The following FAM135B variants were observed in gnomAD, a reference collection of about 807,000 sequenced individuals.
The protein encoded by FAM135B is protein FAM135B.
A neutral mutation model predicts 127.7 loss-of-function variants in FAM135B; 43 were observed. That is an observed-to-expected ratio of 0.34 (90% confidence interval 0.26 to 0.43). FAM135B has a LOEUF of 0.43. Among genes scored for constraint, FAM135B ranks in the 20% least tolerant of loss-of-function variants. The probability of loss-of-function intolerance (pLI) is 1.00; values close to 1 mark genes in which losing one functional copy is unlikely to be tolerated. For synonymous variants in FAM135B, 670 were observed against 665.1 expected (o/e 1.01, Z -0.11); for missense variants, 1,558 against 1,725.6 (o/e 0.90, Z 1.72).
intron 1 of FAM135B, chr8:138,439,392 C>T (rs940691807): frequency 1.3e-5 from 2 of 152,120 alleles, no homozygotes; most frequent in African/African-American, 4.8e-5. Flanking sequence ...ATCCCAAATC[C>T]CATTCTCATT....
chr8:138,146,286 T>C (rs1817647165), intron 14 of FAM135B, among the ~76,000 whole-genome samples: 1 of 152,178 alleles, frequency 6.6e-6, no homozygotes, highest in African/African-American at 2.4e-5. Flanking sequence ...GATAGAGTTA[T>C]CCCTGATCTG....
chr8:138,231,869 G>T (rs867335170), intron 7 of FAM135B, among the ~76,000 whole-genome samples: 3 of 152,190 alleles, frequency 2.0e-5, no homozygotes, highest in African/African-American at 7.2e-5. Context: ...AGATCCATGG[G>T]TTTGTAATGT....
At chr8:138,474,096 T>C (rs1005213616) in intron 1 of FAM135B, among the ~76,000 whole-genome samples, 5 of 152,200 alleles carry the variant, frequency 3.3e-5, no homozygotes, top group Non-Finnish European at 5.9e-5. Flanking sequence ...AAAACCATTG[T>C]AGAGTCAGCT....
intron 1 of FAM135B, among the ~76,000 whole-genome samples, chr8:138,373,506 A>G (rs749391464): frequency 6.6e-6 from 1 of 151,564 alleles, no homozygotes; most frequent in Non-Finnish European, 1.5e-5. Context: ...TGTAGAGCAT[A>G]TGTGTTTGAA....
chr8:138,228,201 C>CCATT (rs1819622290), intron 7 of FAM135B, among the ~76,000 whole-genome samples: 2 of 152,236 alleles, frequency 1.3e-5, no homozygotes, highest in South Asian at 4.1e-4. Flanking sequence ...CCCTTTTGGA[C>CCATT]CATTCCAAGA....
rs753590926 is a variant in FAM135B at position 138,242,980 on chromosome 8, C to G, written c.631G>C (p.Val211Leu). ...GGCTTGCAGTACCCAGCTCCAAAGA[C>G]CAAGTTTTCCAGAGAAATGATAGAC... Reference protein sequence around the residue: ...EQSIISLENLVFGAGYCKPTS... With the variant: ...EQSIISLENLLFGAGYCKPTS... Residue 211 changes from valine (V) to leucine (L), a missense_variant, in exon 7 of 20, where the codon GTC becomes CTC. Around this residue, in one of 5 missense-constraint regions of FAM135B, gnomAD observed 127 missense variants for 109.7 expected, o/e 1.16. Transcript: ENST00000395297. This position sits in a 1 kb window ranked among gnomAD's most constrained non-coding sequence, Gnocchi z 9.6. 6 of 1,613,798 alleles carry G rather than the reference C, an allele frequency of 3.7e-6. No homozygotes were observed. The African/African-American group carries it at 5.3e-5, about 14-fold the overall frequency.
chr8:138,494,183 T>C (rs1181747454), intron 1 of FAM135B, among the ~76,000 whole-genome samples: 1 of 152,214 alleles, frequency 6.6e-6, no homozygotes, highest in African/African-American at 2.4e-5. Context: ...CAACAAGCCA[T>C]GGAGCATCCT....
intron 11 of FAM135B, among the ~76,000 whole-genome samples, chr8:138,174,819 G>A (rs1586684828): frequency 6.6e-6 from 1 of 151,958 alleles, no homozygotes; most frequent in Admixed American, 6.6e-5. Flanking sequence ...TCCTCTCACA[G>A]CGATGCATGT....
intron 4 of FAM135B, among the ~76,000 whole-genome samples, chr8:138,264,379 C>T (rs1477182967): frequency 6.6e-6 from 1 of 152,212 alleles, no homozygotes; most frequent in Non-Finnish European, 1.5e-5. Flanking sequence ...CAGTCTTGCA[C>T]AGCAGGACCA....
At chr8:138,170,748 G>C (rs555689012) in intron 11 of FAM135B, among the ~76,000 whole-genome samples, 81 of 152,236 alleles carry the variant, frequency 5.3e-4, no homozygotes, top group African/African-American at 1.9e-3. Context: ...AGAATGACTG[G>C]GCTGCCTCAG....
At chr8:138,486,130 C>T (rs1160421536) in intron 1 of FAM135B, among the ~76,000 whole-genome samples, 1 of 151,914 alleles carries the variant, frequency 6.6e-6, no homozygotes, top group Non-Finnish European at 1.5e-5. Flanking sequence ...AGCTGGCATC[C>T]CGTTGCACTT....
At chr8:138,419,486 C>A (rs1834361241) in intron 1 of FAM135B, among the ~76,000 whole-genome samples, 1 of 152,256 alleles carries the variant, frequency 6.6e-6, no homozygotes, top group Non-Finnish European at 1.5e-5. Context: ...AGAACCCAAA[C>A]TCGACACTTT....
intron 19 of FAM135B, among the ~76,000 whole-genome samples, chr8:138,133,969 T>C (rs1816417175): frequency 6.6e-6 from 1 of 152,202 alleles, no homozygotes. Context: ...GTTGTAGCCA[T>C]GTCAATTCAG....
At chr8:138,487,378 T>A (rs1006487232) in intron 1 of FAM135B, among the ~76,000 whole-genome samples, 2 of 151,912 alleles carry the variant, frequency 1.3e-5, no homozygotes, top group African/African-American at 4.8e-5. Flanking sequence ...GAAGAGTGGC[T>A]ACAGATTTTA....
chr8:138,155,804 T>G (rs1481496740), intron 12 of FAM135B, among the ~76,000 whole-genome samples: 1 of 152,124 alleles, frequency 6.6e-6, no homozygotes, highest in Non-Finnish European at 1.5e-5. Context: ...AGCAAGTCCT[T>G]AGAGACCTAC....
At chr8:138,169,507 G>A (rs532728677) in intron 11 of FAM135B, among the ~76,000 whole-genome samples, 33 of 148,456 alleles carry the variant, frequency 2.2e-4, no homozygotes, top group South Asian at 1.9e-3. Flanking sequence ...TGTTCTTCTC[G>A]GAATATTTAA....
In FAM135B at chr8:138,388,799, T is replaced by C. The variant is rs1479550358; in HGVS notation, c.-19-20797A>G. Among the ~76,000 whole-genome samples the C allele has an allele frequency of 2.0e-5, 3 of 152,176 alleles. No individual in the cohort carries two copies. In the South Asian group the frequency reaches 6.2e-4, roughly 32 times the overall value. On this transcript the variant is annotated intron_variant, in intron 1 of 19. Transcript: ENST00000395297. ...TTCTTAGGGCAGTGAAAGTACTCAG[T>C]AGGACATTACAATGGTTAATATATG...
In FAM135B at chr8:138,145,939, T is replaced by C. The variant is rs1314857659; in HGVS notation, c.3540+20A>G. Reference sequence around the variant, plus strand: ...CATGCATCCAGGGTTCTTCCAGTTCTGATATTTGTATCATCATACCTGATT... The same window carrying C: ...CATGCATCCAGGGTTCTTCCAGTTCCGATATTTGTATCATCATACCTGATT... On this transcript the variant is annotated intron_variant, in intron 15 of 19. Transcript: ENST00000395297. 1 of 1,359,950 alleles carries C rather than the reference T, an allele frequency of 7.4e-7. No homozygotes were observed. Among genetic ancestry groups the C allele is most frequent in the Non-Finnish European group, 1.1e-6 (1 of 950,878 alleles). The allele number at this position is 1,359,950 out of a possible 1,614,324, so 84.2% of individuals were successfully genotyped here.
Position 138,258,803 on chromosome 8 carries a change from C to CACCACACA in FAM135B, c.298-2045_298-2044insTGTGTGGT, listed in dbSNP as rs112481181. On this transcript the variant is annotated intron_variant, in intron 4 of 19. Transcript: ENST00000395297. ...CCCTCCCTTCAAAAAGACACACACACCACACACACACACACACACACACAC... is the reference window on the plus strand; with the variant it reads ...CCCTCCCTTCAAAAAGACACACACACACCACACACACACACACACACACACACACACAC... Among the ~76,000 whole-genome samples the CACCACACA allele has an allele frequency of 5.7e-4, 84 of 146,634 alleles. 2 individuals carry two copies. Among genetic ancestry groups the CACCACACA allele is most frequent in the African/African-American group, 1.9e-3 (76 of 39,132 alleles).
Sources: gnomAD v4.1 joint callset for allele counts (sites outside exome capture counted in the v4.1 genomes callset) on GRCh38, gnomAD v4.1.1 for gene constraint, gnomAD v4.1.1 regional missense constraint, Gnocchi (gnomAD v3.1) non-coding constraint, MANE v1.5 for transcripts, NCBI Gene and HGNC (gene_info 2026-07-23, HGNC 2026-07-21) for gene names.